CNBD1: variants seen among roughly 807,000 people sequenced by gnomAD.
CNBD1 encodes cyclic nucleotide binding domain containing 1.
In CNBD1, 71 loss-of-function variants were observed where a neutral mutation model predicts 54.4. The ratio of observed to expected loss-of-function variants is 1.30; its 90% CI spans 1.08 to 1.59. The LOEUF is 1.59. Ranked by LOEUF, CNBD1 falls within the 40% of genes most tolerant of loss-of-function variation. The pLI, the probability that CNBD1 is intolerant of heterozygous loss-of-function variation, is 0.00. For synonymous variants in CNBD1, 182 were observed against 170.7 expected (o/e 1.07, Z -0.51); for missense variants, 659 against 518.0 (o/e 1.27, Z -2.64).
At chr8:87,327,899 A>T (rs1809719248) in intron 8 of CNBD1, among the ~76,000 whole-genome samples, 1 of 150,430 alleles carries the variant, frequency 6.6e-6, no homozygotes, top group Admixed American at 6.6e-5. Context: ...TCCATTTTTG[A>T]GTTGATTTTT....
intron 4 of CNBD1, among the ~76,000 whole-genome samples, chr8:87,190,666 A>G (rs1813582087): frequency 1.3e-5 from 2 of 152,002 alleles, no homozygotes; most frequent in African/African-American, 2.4e-5. Flanking sequence ...TTTAATTTGC[A>G]TGTGTCACTT....
At chr8:87,024,846 G>A (rs930958614) in intron 4 of CNBD1, among the ~76,000 whole-genome samples, 1 of 152,052 alleles carries the variant, frequency 6.6e-6, no homozygotes, top group African/African-American at 2.4e-5. Flanking sequence ...ACCTAAGACT[G>A]TACAAATAAC....
chr8:87,264,004 T>G (rs1374813272), intron 6 of CNBD1, among the ~76,000 whole-genome samples: 1 of 152,126 alleles, frequency 6.6e-6, no homozygotes, highest in Non-Finnish European at 1.5e-5. Context: ...TTTATTTTAT[T>G]TTTTTATTAT....
chr8:87,358,459 G>A (rs1265285102), intron 10 of CNBD1, among the ~76,000 whole-genome samples: 1 of 151,802 alleles, frequency 6.6e-6, no homozygotes, highest in African/African-American at 2.4e-5. Flanking sequence ...ATAATAATAT[G>A]TTTTTTCTTT....
chr8:87,192,968 A>G (rs895066887), intron 4 of CNBD1, among the ~76,000 whole-genome samples: 4 of 152,198 alleles, frequency 2.6e-5, no homozygotes, highest in African/African-American at 9.6e-5. Context: ...AAATATTACA[A>G]ACAGAAAATA....
chr8:87,277,022 A>T (rs903552846), intron 6 of CNBD1, among the ~76,000 whole-genome samples: 8 of 151,500 alleles, frequency 5.3e-5, no homozygotes, highest in African/African-American at 1.9e-4. Context: ...TTAACTATTC[A>T]ATAGTTCCTT....
chr8:86,890,222 C>A (rs1421283561), intron 2 of CNBD1, among the ~76,000 whole-genome samples: 1 of 152,018 alleles, frequency 6.6e-6, no homozygotes, highest in Non-Finnish European at 1.5e-5. Flanking sequence ...AATCTTTATA[C>A]CCTTTCGTCA....
intron 4 of CNBD1, among the ~76,000 whole-genome samples, chr8:87,004,810 G>C (rs532810286): frequency 6.6e-6 from 1 of 152,214 alleles, no homozygotes; most frequent in East Asian, 1.9e-4. Context: ...TTAAGCAAGG[G>C]TGCTCTTTGT....
At chr8:87,177,578 T>A (rs1813226023) in intron 4 of CNBD1, among the ~76,000 whole-genome samples, 1 of 152,200 alleles carries the variant, frequency 6.6e-6, no homozygotes, top group Non-Finnish European at 1.5e-5. Flanking sequence ...TTTATTTTCC[T>A]AAAACCACTG....
rs892161845 is a variant in CNBD1 at position 86,977,499 on chromosome 8, G to T, written c.431+37745G>T. 3.9e-5 allele frequency among the ~76,000 whole-genome samples: 6 copies of T among 152,090 alleles called. No homozygotes were observed. In the East Asian group the frequency reaches 1.2e-3, roughly 29 times the overall value. ...AACATTTAACTAGGTTAGCTAAGAA[G>T]CAATGAGAGAAGACTCAAGTAAAAT... On this transcript the variant is annotated intron_variant, in intron 4 of 10. Transcript: ENST00000518476.
At chr8:87,168,597 G>C (rs780292735) in intron 4 of CNBD1, among the ~76,000 whole-genome samples, 3 of 151,640 alleles carry the variant, frequency 2.0e-5, no homozygotes, top group African/African-American at 4.8e-5. Context: ...ACCCTTCCCA[G>C]CCTTTGGTAA....
chr8:87,054,690 A>G lies in CNBD1; in HGVS notation c.431+114936A>G, dbSNP rs547021514. Among the ~76,000 whole-genome samples, 157 of 152,318 alleles carry G rather than the reference A, an allele frequency of 1.0e-3. 2 individuals carry two copies. Among genetic ancestry groups the G allele is most frequent in the African/African-American group, 3.6e-3 (150 of 41,572 alleles). ...TGGTGCCAATACCCAGCAGGCTGTC[A>G]GGGACTGGAGTTAGTCCAAGGGCCT... On this transcript the variant is annotated intron_variant, in intron 4 of 10. Transcript: ENST00000518476.
intron 4 of CNBD1, among the ~76,000 whole-genome samples, chr8:87,015,814 C>T (rs958558249): frequency 1.3e-5 from 2 of 151,834 alleles, no homozygotes; most frequent in Admixed American, 6.6e-5. Flanking sequence ...AACCCCATCT[C>T]TACTAACAGT....
chr8:87,153,004 T>G (rs1346801860), intron 4 of CNBD1, among the ~76,000 whole-genome samples: 1 of 152,160 alleles, frequency 6.6e-6, no homozygotes, highest in East Asian at 1.9e-4. Flanking sequence ...TTCCTTCAAA[T>G]TTGTTGAGAA....
At chr8:87,209,964 G>A (rs978406430) in intron 5 of CNBD1, among the ~76,000 whole-genome samples, 1 of 152,174 alleles carries the variant, frequency 6.6e-6, no homozygotes, top group African/African-American at 2.4e-5. Context: ...CCCCCATGCA[G>A]TTCTCATGAT....
chr8:86,983,869 G>C (rs1049773502), intron 4 of CNBD1, among the ~76,000 whole-genome samples: 1 of 152,150 alleles, frequency 6.6e-6, no homozygotes, highest in African/African-American at 2.4e-5. Flanking sequence ...CAATTTGATA[G>C]AAAAGAAAAT....
At chr8:87,226,836 G>A (rs1814510340) in intron 5 of CNBD1, among the ~76,000 whole-genome samples, 1 of 151,226 alleles carries the variant, frequency 6.6e-6, no homozygotes, top group Non-Finnish European at 1.5e-5. Flanking sequence ...TGTTGACAGT[G>A]GGGTGTTAAA....
chr8:86,920,105 AAGGGCTT>A (rs1809247973), intron 3 of CNBD1, among the ~76,000 whole-genome samples: 1 of 152,142 alleles, frequency 6.6e-6, no homozygotes, highest in South Asian at 2.1e-4. Context: ...TCATTCATCT[AAGGGCTT>A]ATTTCAATGA....
At chr8:87,307,492 T>C (rs902731222) in intron 8 of CNBD1, among the ~76,000 whole-genome samples, 4 of 152,114 alleles carry the variant, frequency 2.6e-5, no homozygotes, top group African/African-American at 2.4e-5. Flanking sequence ...AATCCCAGCA[T>C]GTTTGGAGGC....
Sources: allele counts gnomAD v4.1 joint callset (sites outside exome capture counted in the v4.1 genomes callset), GRCh38; gene constraint gnomAD v4.1.1; transcripts MANE v1.5; gene names NCBI Gene and HGNC (gene_info 2026-07-23, HGNC 2026-07-21).